Variants in RBFOX1 observed in about 807,000 individuals in gnomAD.
The protein encoded by RBFOX1 is RNA binding fox-1 homolog 1, also known as RNA binding protein fox-1 homolog 1.
In RBFOX1, 8 loss-of-function variants were observed where a neutral mutation model predicts 57.7. That is an observed-to-expected ratio of 0.14 (90% CI 0.08 to 0.25). RBFOX1 has a LOEUF of 0.25. RBFOX1 is among the 10% of genes least tolerant of loss of function. The probability of loss-of-function intolerance (pLI) is 1.00; values close to 1 mark genes in which losing one functional copy is unlikely to be tolerated. For synonymous variants in RBFOX1, 326 were observed against 222.4 expected (o/e 1.47, Z -4.15); for missense variants, 611 against 548.5 (o/e 1.11, Z -1.14).
rs562772067 is a variant in RBFOX1 at position 6,309,904 on chromosome 16, A to G, written c.-126-7091A>G. 3.3e-5 allele frequency among the ~76,000 whole-genome samples: 5 copies of G among 152,348 alleles called. No homozygotes were observed. The South Asian group carries it at 1.0e-3, about 32-fold the overall frequency. ...GACGCTTATTGACTTTAGTAGTAGT[A>G]GTAGCATTTTGAGACAGAGTCTCGC... On this transcript the variant is annotated intron_variant, in intron 1 of 15. Transcript: ENST00000550418.
At chr16:5,272,631 C>A (rs1330403283) in intron 1 of RBFOX1, among the ~76,000 whole-genome samples, 1 of 152,194 alleles carries the variant, frequency 6.6e-6, no homozygotes, top group African/African-American at 2.4e-5. Context: ...ACAACACTTA[C>A]AGCAAGAATT....
At chr16:7,203,159 C>T (rs1379784206) in intron 4 of RBFOX1, among the ~76,000 whole-genome samples, 1 of 152,094 alleles carries the variant, frequency 6.6e-6, no homozygotes, top group South Asian at 2.1e-4. Context: ...CAATGATGAA[C>T]AGATAAGCAA....
chr16:5,525,461 C>T (rs2044203154), intron 2 of RBFOX1, among the ~76,000 whole-genome samples: 1 of 149,554 alleles, frequency 6.7e-6, no homozygotes, highest in South Asian at 2.1e-4. Context: ...CAGACTCACA[C>T]CGAGATAGGC....
intron 1 of RBFOX1, among the ~76,000 whole-genome samples, chr16:5,385,396 A>G (rs1461852025): frequency 3.9e-5 from 6 of 152,216 alleles, no homozygotes; most frequent in African/African-American, 9.6e-5. Context: ...AATGTATTGG[A>G]TTAAAATGTC....
chr16:7,106,516 C>T (rs1436906359), intron 4 of RBFOX1, among the ~76,000 whole-genome samples: 1 of 152,092 alleles, frequency 6.6e-6, no homozygotes, highest in African/African-American at 2.4e-5. Flanking sequence ...GTCATTAATT[C>T]TGCACTACTT....
At chr16:6,547,833 A>G (rs1349940756) in intron 2 of RBFOX1, among the ~76,000 whole-genome samples, 1 of 152,004 alleles carries the variant, frequency 6.6e-6, no homozygotes, top group Admixed American at 6.5e-5. Flanking sequence ...TGGCCTTCAA[A>G]TGTGACTTCT....
At chr16:6,889,411 T>C in intron 3 of RBFOX1, among the ~76,000 whole-genome samples, 1 of 152,208 alleles carries the variant, frequency 6.6e-6, no homozygotes, top group Non-Finnish European at 1.5e-5. Context: ...GACGGCTCTG[T>C]CAACTTGGAT....
At chr16:5,899,848 T>A (rs574114345) in intron 4 of RBFOX1, among the ~76,000 whole-genome samples, 1 of 152,196 alleles carries the variant, frequency 6.6e-6, no homozygotes, top group East Asian at 1.9e-4. Context: ...CTGAGGCAGG[T>A]GGATCACGTG....
chr16:5,531,488 C>T (rs559167080), intron 2 of RBFOX1, among the ~76,000 whole-genome samples: 19 of 152,234 alleles, frequency 1.2e-4, no homozygotes, highest in African/African-American at 4.3e-4. Context: ...TTGTTAAGTA[C>T]CTTTTAGCAT....
intron 2 of RBFOX1, among the ~76,000 whole-genome samples, chr16:6,470,106 T>C (rs2095140038): frequency 6.6e-6 from 1 of 152,214 alleles, no homozygotes; most frequent in South Asian, 2.1e-4. Flanking sequence ...CACTGTATCC[T>C]CATTCATTTA....
intron 1 of RBFOX1, among the ~76,000 whole-genome samples, chr16:5,407,996 C>T (rs2066911233): frequency 6.6e-6 from 1 of 152,248 alleles, no homozygotes; most frequent in Non-Finnish European, 1.5e-5. Context: ...GAAATCATGG[C>T]AGGGCTTTGT....
intron 4 of RBFOX1, among the ~76,000 whole-genome samples, chr16:6,001,170 G>C (rs1166233990): frequency 6.6e-6 from 1 of 152,196 alleles, no homozygotes. Context: ...AACAATATTT[G>C]ACCAACTGGA....
At chr16:6,579,025 TC>T (rs2097491659) in intron 2 of RBFOX1, among the ~76,000 whole-genome samples, 1 of 152,030 alleles carries the variant, frequency 6.6e-6, no homozygotes, top group Non-Finnish European at 1.5e-5. Context: ...CCACCTGTTT[TC>T]CCAAAACCTA....
chr16:5,693,381 A>C (rs1567406060), intron 3 of RBFOX1, among the ~76,000 whole-genome samples: 9 of 152,094 alleles, frequency 5.9e-5, no homozygotes, highest in African/African-American at 1.7e-4. Context: ...AAAAAAACAA[A>C]AACAAAATAT....
rs535801158 is a variant in RBFOX1 at position 7,552,832 on chromosome 16, G to C, written c.271-26945G>C. On this transcript the variant is annotated intron_variant, in intron 5 of 15. Transcript: ENST00000550418. Reference sequence around the variant, plus strand: ...CGAGTAGCTGGGATTACAGTTTCCTGCCACAACCCCCGGCTAATTTTTGTG... The same window carrying C: ...CGAGTAGCTGGGATTACAGTTTCCTCCCACAACCCCCGGCTAATTTTTGTG... 3.3e-5 allele frequency among the ~76,000 whole-genome samples: 5 copies of C among 152,072 alleles called. No individual in the cohort carries two copies. In the East Asian group the frequency reaches 9.7e-4, roughly 30 times the overall value.
intron 1 of RBFOX1, among the ~76,000 whole-genome samples, chr16:6,077,637 C>T (rs1450146081): frequency 6.6e-6 from 1 of 152,004 alleles, no homozygotes; most frequent in Non-Finnish European, 1.5e-5. Context: ...AAAAAGTGCC[C>T]ATGCACTTTT....
chr16:6,899,267 C>G (rs998858753), intron 3 of RBFOX1, among the ~76,000 whole-genome samples: 1 of 151,812 alleles, frequency 6.6e-6, no homozygotes, highest in Non-Finnish European at 1.5e-5. Flanking sequence ...GTGTGTATAA[C>G]GTGTGCATGT....
intron 2 of RBFOX1, among the ~76,000 whole-genome samples, chr16:6,585,240 C>A (rs1053222613): frequency 2.6e-5 from 4 of 152,198 alleles, no homozygotes; most frequent in Admixed American, 2.6e-4. Context: ...TCTTTCCTAT[C>A]TTACAGAAGA....
At chr16:7,069,803 T>C (rs907258182) in intron 4 of RBFOX1, among the ~76,000 whole-genome samples, 18 of 152,168 alleles carry the variant, frequency 1.2e-4, no homozygotes, top group Non-Finnish European at 7.3e-5. Context: ...TTAACAAAAA[T>C]TGTGTTCCTC....
Sources: gnomAD v4.1 joint callset for allele counts (sites outside exome capture counted in the v4.1 genomes callset) on GRCh38, gnomAD v4.1.1 for gene constraint, MANE v1.5 for transcripts, NCBI Gene and HGNC (gene_info 2026-07-23, HGNC 2026-07-21) for gene names.